The following SCFD2 variants were observed in gnomAD, a reference collection of about 807,000 sequenced individuals.
SCFD2 encodes sec1 family domain-containing protein 2.
Under a neutral mutation model 58.9 loss-of-function variants are expected in SCFD2, and 54 were observed. That is an observed-to-expected ratio of 0.92 (90% CI 0.74 to 1.15). The LOEUF is 1.15. Ranked by LOEUF, SCFD2 falls within the 50% of genes most tolerant of loss-of-function variation. The pLI, the probability that SCFD2 is intolerant of heterozygous loss-of-function variation, is 0.00. For missense variants in SCFD2, 805 were observed against 836.6 expected (o/e 0.96, Z 0.47); for synonymous variants, 321 against 335.9 (o/e 0.96, Z 0.49).
intron 5 of SCFD2, among the ~76,000 whole-genome samples, chr4:53,102,299 A>G (rs1724853145): frequency 6.6e-6 from 1 of 152,180 alleles, no homozygotes; most frequent in Non-Finnish European, 1.5e-5. Flanking sequence ...AAAGTATACA[A>G]GTAATTTTTG....
At chr4:53,171,548 A>AT (rs1293214927) in intron 4 of SCFD2, among the ~76,000 whole-genome samples, 1 of 151,900 alleles carries the variant, frequency 6.6e-6, no homozygotes, top group Non-Finnish European at 1.5e-5. Context: ...CTTCTCTACA[A>AT]TTTTTTCAAA....
At chr4:53,086,160 G>A (rs1037610281) in intron 5 of SCFD2, among the ~76,000 whole-genome samples, 3 of 152,048 alleles carry the variant, frequency 2.0e-5, no homozygotes, top group Admixed American at 6.6e-5. Flanking sequence ...CAGAATATAC[G>A]AGGAGCTCGA....
At chr4:53,163,381 T>C (rs1481550566) in intron 4 of SCFD2, among the ~76,000 whole-genome samples, 1 of 152,024 alleles carries the variant, frequency 6.6e-6, no homozygotes, top group African/African-American at 2.4e-5. Flanking sequence ...TATCAGCAAA[T>C]GAACCACCGC....
chr4:52,947,202 T>G (rs1720453643), intron 5 of SCFD2, among the ~76,000 whole-genome samples: 1 of 152,244 alleles, frequency 6.6e-6, no homozygotes, highest in Non-Finnish European at 1.5e-5. Context: ...TCTGTCATGA[T>G]GAACTCAAGA....
intron 1 of SCFD2, among the ~76,000 whole-genome samples, chr4:53,361,727 T>G (rs1485844294): frequency 6.6e-6 from 1 of 152,234 alleles, no homozygotes; most frequent in Non-Finnish European, 1.5e-5. Context: ...TAAATATGAC[T>G]AGCTAATATC....
intron 5 of SCFD2, among the ~76,000 whole-genome samples, chr4:53,076,495 AC>A (rs1723978711): frequency 6.6e-6 from 1 of 151,834 alleles, no homozygotes; most frequent in Non-Finnish European, 1.5e-5. Context: ...CTCTTGTCAG[AC>A]TCATTCCCAA....
At chr4:52,900,342 T>G (rs932034968) in intron 7 of SCFD2, among the ~76,000 whole-genome samples, 1 of 152,234 alleles carries the variant, frequency 6.6e-6, no homozygotes, top group Non-Finnish European at 1.5e-5. Context: ...TGGATGTCCT[T>G]TCTGTTTGTT....
At chr4:53,223,918 G>A (rs562403770) in intron 4 of SCFD2, among the ~76,000 whole-genome samples, 2 of 152,140 alleles carry the variant, frequency 1.3e-5, no homozygotes, top group Non-Finnish European at 2.9e-5. Context: ...GAAACACAAA[G>A]AAAATAAGAA....
intron 2 of SCFD2, among the ~76,000 whole-genome samples, chr4:53,331,835 T>G (rs901598767): frequency 6.6e-6 from 1 of 151,752 alleles, no homozygotes; most frequent in African/African-American, 2.4e-5. Context: ...ATCAACAAAA[T>G]TGATAGACCG....
intron 4 of SCFD2, among the ~76,000 whole-genome samples, chr4:53,230,781 T>A (rs1020498425): frequency 3.3e-5 from 5 of 151,492 alleles, no homozygotes; most frequent in African/African-American, 1.2e-4. Flanking sequence ...TAATAAAATT[T>A]AAAAAAAAGA....
At chr4:53,000,243 T>C (rs920525980) in intron 5 of SCFD2, among the ~76,000 whole-genome samples, 1 of 152,150 alleles carries the variant, frequency 6.6e-6, no homozygotes, top group African/African-American at 2.4e-5. Flanking sequence ...GGAACGCCCA[T>C]TAGGTGGCCA....
chr4:53,056,883 CA>C (rs1175370782), intron 5 of SCFD2, among the ~76,000 whole-genome samples: 1 of 152,002 alleles, frequency 6.6e-6, no homozygotes, highest in African/African-American at 2.4e-5. Context: ...GAAAGTCTGA[CA>C]AAGACAAAAA....
intron 5 of SCFD2, among the ~76,000 whole-genome samples, chr4:52,941,580 A>G (rs1720294240): frequency 6.6e-6 from 1 of 152,214 alleles, no homozygotes. Context: ...TTGGACAGCG[A>G]GTATTGGGAA....
Position 53,131,279 on chromosome 4 carries a change from T to C in SCFD2, c.1561+14054A>G, listed in dbSNP as rs750767367. ...TTAAGAATGTTGCCTGGGATCAGTA[T>C]GCAGGATGAATCGGTGGGTATGCAA... On this transcript the variant is annotated intron_variant, in intron 5 of 8. Transcript: ENST00000401642. Among the ~76,000 whole-genome samples the C allele has an allele frequency of 3.9e-5, 6 of 152,334 alleles. No homozygotes were observed. In the South Asian group the frequency reaches 8.3e-4, roughly 21 times the overall value.
chr4:53,246,977 A>G (rs1439324101), intron 4 of SCFD2, among the ~76,000 whole-genome samples: 2 of 149,270 alleles, frequency 1.3e-5, no homozygotes, highest in African/African-American at 4.9e-5. Flanking sequence ...CAACATCTGT[A>G]AGGAACTTAA....
chr4:53,337,715 C>T (rs1359104866), intron 2 of SCFD2, among the ~76,000 whole-genome samples: 1 of 152,104 alleles, frequency 6.6e-6, no homozygotes, highest in Non-Finnish European at 1.5e-5. Context: ...TAGATTCATG[C>T]AACAAAATAC....
chr4:53,213,924 C>A (rs568686545), intron 4 of SCFD2, among the ~76,000 whole-genome samples: 6 of 152,018 alleles, frequency 3.9e-5, no homozygotes, highest in East Asian at 1.9e-4. Flanking sequence ...TTTGTCCTTG[C>A]GATAGTTTGC....
intron 5 of SCFD2, among the ~76,000 whole-genome samples, chr4:53,124,056 ATTTG>A (rs1725557418): frequency 6.6e-6 from 1 of 152,140 alleles, no homozygotes; most frequent in South Asian, 2.1e-4. Flanking sequence ...GAAATAGAAT[ATTTG>A]GGGGTCAGGG....
rs1186971221 is a variant in SCFD2, at chr4:53,238,056, AC to A, written c.1311+35769del. 6.5e-5 allele frequency among the ~76,000 whole-genome samples: 7 copies of A among 107,682 alleles called. No homozygotes were observed. The Admixed American group carries it at 6.6e-4, about 10-fold the overall frequency. The allele number at this position is 107,682 out of a possible 152,430, so 70.6% of individuals were successfully genotyped here. On this transcript the variant is annotated intron_variant, in intron 4 of 8. Coordinates refer to ENST00000401642, the MANE Select transcript of SCFD2 (RefSeq NM_152540.4). ...GGGTGGCTGGCCGGGCGGGGGGCTG[AC>A]CCCCCCACCTCCCTCCCGGATGGGG...
Sources: gnomAD v4.1 joint callset for allele counts (sites outside exome capture counted in the v4.1 genomes callset) on GRCh38, gnomAD v4.1.1 for gene constraint, MANE v1.5 for transcripts, NCBI Gene and HGNC (gene_info 2026-07-23, HGNC 2026-07-21) for gene names.